The following KCND2 variants were observed in gnomAD, a reference collection of about 807,000 sequenced individuals.
KCND2 encodes potassium voltage-gated channel subfamily D member 2.
KCND2 carries 16 observed loss-of-function variants against 54.4 expected under a neutral mutation model. That is an observed-to-expected ratio of 0.29 (90% confidence interval 0.20 to 0.45). The LOEUF (loss-of-function observed/expected upper bound fraction) is 0.45. KCND2 is among the 20% of genes least tolerant of loss of function. The pLI, the probability that KCND2 is intolerant of heterozygous loss-of-function variation, is 1.00. For missense variants in KCND2, 486 were observed against 824.2 expected, an observed-to-expected ratio of 0.59 and a Z score of 5.02; for synonymous variants, 317 against 310.7, an observed-to-expected ratio of 1.02 and a Z score of -0.21.
At chr7:120,509,636 A>C (rs1803081787) in intron 1 of KCND2, among the ~76,000 whole-genome samples, 1 of 151,914 alleles carries the variant, frequency 6.6e-6, no homozygotes, top group African/African-American at 2.4e-5. Context: ...GTTGATTTTG[A>C]CATTTATTTT....
At chr7:120,566,733 A>C (rs926610726) in intron 1 of KCND2, among the ~76,000 whole-genome samples, 12 of 129,116 alleles carry the variant, frequency 9.3e-5, no homozygotes, top group African/African-American at 3.2e-4. Context: ...AGAAATACAG[A>C]TATGTAATAT....
intron 1 of KCND2, among the ~76,000 whole-genome samples, chr7:120,567,862 A>T (rs1792317173): frequency 6.6e-6 from 1 of 152,130 alleles, no homozygotes; most frequent in African/African-American, 2.4e-5. Context: ...TGTAGATAAG[A>T]TCACAGTCCA....
chr7:120,678,122 A>C (rs1299045386), intron 1 of KCND2, among the ~76,000 whole-genome samples: 1 of 151,824 alleles, frequency 6.6e-6, no homozygotes, highest in Non-Finnish European at 1.5e-5. Flanking sequence ...AACAGAATAC[A>C]TTCACTGTGT....
intron 1 of KCND2, among the ~76,000 whole-genome samples, chr7:120,405,437 G>T (rs536267467): frequency 6.6e-6 from 1 of 152,186 alleles, no homozygotes; most frequent in South Asian, 2.1e-4. Context: ...TACAAATGAA[G>T]CTTAGAAACA....
intron 1 of KCND2, among the ~76,000 whole-genome samples, chr7:120,654,022 A>G (rs1228920020): frequency 6.6e-6 from 1 of 152,152 alleles, no homozygotes; most frequent in Non-Finnish European, 1.5e-5. Context: ...CCTTCAGAAC[A>G]TGTTCAATTC....
chr7:120,332,094 A>C (rs912120955), intron 1 of KCND2, among the ~76,000 whole-genome samples: 1 of 152,060 alleles, frequency 6.6e-6, no homozygotes, highest in Non-Finnish European at 1.5e-5. Context: ...TCTCCCCTGC[A>C]ACCTCATTCA....
chr7:120,671,823 A>C lies in KCND2; in HGVS notation c.1116-61080A>C, dbSNP rs1426142268. Reference sequence around the variant, plus strand: ...AACCCTCAAACCTGCGTCATTCTACATATTCCTTCTTCACTCAATTCCACT... The same window carrying C: ...AACCCTCAAACCTGCGTCATTCTACCTATTCCTTCTTCACTCAATTCCACT... On this transcript the variant is annotated intron_variant, in intron 1 of 5. Coordinates refer to ENST00000331113, the MANE Select transcript of KCND2 (RefSeq NM_012281.3). 2.0e-5 allele frequency among the ~76,000 whole-genome samples: 3 copies of C among 152,146 alleles called. 1 individual carries two copies. The highest frequency in any genetic ancestry group is 4.4e-5 in the Non-Finnish European group (3 of 67,982).
intron 1 of KCND2, among the ~76,000 whole-genome samples, chr7:120,522,597 T>G (rs970929246): frequency 4.6e-5 from 7 of 152,330 alleles, no homozygotes; most frequent in African/African-American, 1.7e-4. Flanking sequence ...TTTCAAACAC[T>G]GTTACAAATC....
chr7:120,358,626 C>G (rs976556912), intron 1 of KCND2, among the ~76,000 whole-genome samples: 1 of 152,052 alleles, frequency 6.6e-6, no homozygotes, highest in African/African-American at 2.4e-5. Flanking sequence ...TAAGTCTACC[C>G]TGATGCACTT....
At chr7:120,312,382 T>A (rs1000592651) in intron 1 of KCND2, among the ~76,000 whole-genome samples, 2 of 151,976 alleles carry the variant, frequency 1.3e-5, no homozygotes, top group African/African-American at 4.8e-5. Flanking sequence ...GAAAGATTTA[T>A]ATTCCTTTGA....
intron 1 of KCND2, among the ~76,000 whole-genome samples, chr7:120,286,193 A>G (rs1200201096): frequency 6.6e-6 from 1 of 151,912 alleles, no homozygotes; most frequent in Non-Finnish European, 1.5e-5. Flanking sequence ...TTTAATTCAC[A>G]ATTTTTGGAT....
At chr7:120,313,533 A>G (rs1055351782) in intron 1 of KCND2, among the ~76,000 whole-genome samples, 4 of 152,014 alleles carry the variant, frequency 2.6e-5, no homozygotes, top group African/African-American at 7.2e-5. Flanking sequence ...CCGATTTTCC[A>G]TGTCTCCCTC....
At chr7:120,629,331 A>G (rs1361928447) in intron 1 of KCND2, among the ~76,000 whole-genome samples, 1 of 152,096 alleles carries the variant, frequency 6.6e-6, no homozygotes, top group African/African-American at 2.4e-5. Flanking sequence ...ACTAAAATAC[A>G]AAAAATTAGC....
At chr7:120,701,278 T>C (rs1219309969) in intron 1 of KCND2, among the ~76,000 whole-genome samples, 1 of 101,756 alleles carries the variant, frequency 9.8e-6, no homozygotes, top group African/African-American at 3.4e-5. Flanking sequence ...AAAAAAAAAT[T>C]AGAATTCTAG....
intron 1 of KCND2, among the ~76,000 whole-genome samples, chr7:120,491,018 A>G (rs1339859851): frequency 6.6e-6 from 1 of 152,124 alleles, no homozygotes; most frequent in African/African-American, 2.4e-5. Context: ...TGACTGAAGA[A>G]CTACTACCAT....
chr7:120,563,336 T>C (rs916485442), intron 1 of KCND2, among the ~76,000 whole-genome samples: 9 of 152,196 alleles, frequency 5.9e-5, no homozygotes, highest in African/African-American at 2.2e-4. Flanking sequence ...CACTGTTCAC[T>C]TAATTACCCA....
At chr7:120,314,506 A>G (rs1369663946) in intron 1 of KCND2, among the ~76,000 whole-genome samples, 1 of 152,136 alleles carries the variant, frequency 6.6e-6, no homozygotes, top group Non-Finnish European at 1.5e-5. Flanking sequence ...ATAATTTGGC[A>G]TTTCATACAT....
chr7:120,569,878 G>A (rs1792341256), intron 1 of KCND2, among the ~76,000 whole-genome samples: 1 of 152,156 alleles, frequency 6.6e-6, no homozygotes, highest in South Asian at 2.1e-4. Context: ...ACAGTGACAG[G>A]TTGATGGAGC....
intron 1 of KCND2, among the ~76,000 whole-genome samples, chr7:120,363,228 A>T (rs1331167557): frequency 1.3e-5 from 2 of 152,064 alleles, no homozygotes; most frequent in Non-Finnish European, 2.9e-5. Flanking sequence ...CCTGCAATGT[A>T]GAAGTTGTAA....
Sources: gnomAD v4.1 joint callset for allele counts (sites outside exome capture counted in the v4.1 genomes callset) on GRCh38, gnomAD v4.1.1 for gene constraint, MANE v1.5 for transcripts, NCBI Gene and HGNC (gene_info 2026-07-23, HGNC 2026-07-21) for gene names.